The following CAPRIN2 variants were observed in gnomAD, a reference collection of about 807,000 sequenced individuals.
CAPRIN2 encodes caprin-2.
CAPRIN2 carries 66 observed loss-of-function variants against 130.4 expected under a neutral mutation model. The ratio of observed to expected loss-of-function variants is 0.51; its 90% CI spans 0.42 to 0.62. The LOEUF (loss-of-function observed/expected upper bound fraction) is 0.62, where lower values mean the gene tolerates loss of function less well. Ranked by LOEUF, CAPRIN2 falls within the 20% of genes least tolerant of loss-of-function variation. The pLI, the probability that CAPRIN2 is intolerant of heterozygous loss-of-function variation, is 0.00. For synonymous variants in CAPRIN2, 471 were observed against 444.1 expected (o/e 1.06, Z -0.76); for missense variants, 1,185 against 1,246.6 (o/e 0.95, Z 0.74).
rs148992387 is a variant in CAPRIN2, at chr12:30,737,840, G to A, written c.571-2634C>T. Among the ~76,000 whole-genome samples the A allele has an allele frequency of 3.7e-3, 559 of 151,914 alleles. 8 individuals are homozygous for A. The highest frequency in any genetic ancestry group is 0.012 in the African/African-American group (506 of 41,444). On this transcript the variant is annotated intron_variant, in intron 3 of 16. Transcript: ENST00000298892. Reference sequence around the variant, plus strand: ...TCTGGATCTCCTGACCTCATGATCCGCCCGCCTCGGCCTCCCAAAGTGCTG... The same window carrying A: ...TCTGGATCTCCTGACCTCATGATCCACCCGCCTCGGCCTCCCAAAGTGCTG...
intron 2 of CAPRIN2, among the ~76,000 whole-genome samples, chr12:30,746,921 C>T (rs573771685): frequency 1.3e-5 from 2 of 152,280 alleles, no homozygotes; most frequent in East Asian, 3.9e-4. Flanking sequence ...AATGTAGATG[C>T]AAGAGTCTCC....
At chr12:30,723,218 C>A (rs2059912794) in intron 11 of CAPRIN2, 41 bp downstream of exon 12, 7 of 1,373,110 alleles carry the variant, frequency 5.1e-6, no homozygotes, top group Non-Finnish European at 7.3e-6. Flanking sequence ...AGAGCTTCTT[C>A]CTTGAGCAGC....
At chr12:30,730,192 A>C in intron 7 of CAPRIN2, 47 bp downstream of exon 8, 1 of 1,509,890 alleles carries the variant, frequency 6.6e-7, no homozygotes, top group South Asian at 1.1e-5. Flanking sequence ...AACCCTATGC[A>C]AAAGGCTGAA....
chr12:30,721,002 T>C (rs935140455), intron 11 of CAPRIN2, 87 bp from the exon 13 acceptor site: 2 of 862,948 alleles, frequency 2.3e-6, no homozygotes, highest in African/African-American at 1.7e-5. Flanking sequence ...AATATGTTAC[T>C]CTTACTGAAC....
At chr12:30,748,875 C>T (rs2072152098) in intron 2 of CAPRIN2, among the ~76,000 whole-genome samples, 1 of 152,134 alleles carries the variant, frequency 6.6e-6, no homozygotes, top group African/African-American at 2.4e-5. Flanking sequence ...AGGAATACAG[C>T]AATGAACAGA....
intron 3 of CAPRIN2, among the ~76,000 whole-genome samples, chr12:30,738,059 C>T (rs2065713340): frequency 6.6e-6 from 1 of 152,008 alleles, no homozygotes; most frequent in Non-Finnish European, 1.5e-5. Context: ...AACTGGCTAT[C>T]ATAGAACATG....
intron 3 of CAPRIN2, 64 bp from the exon 5 acceptor site, chr12:30,735,270 T>C (rs951550234): frequency 4.9e-6 from 6 of 1,227,380 alleles, no homozygotes; most frequent in Middle Eastern, 1.9e-4. Flanking sequence ...GCAATACGTA[T>C]CTACAAAGTC....
exon 1 of CAPRIN2, chr12:30,753,397 C>T: frequency 1.2e-6 from 2 of 1,613,646 alleles, no homozygotes; most frequent in East Asian, 2.2e-5. Flanking sequence ...AGTCCATTTT[C>T]AATATAGGTC....
exon 9 of CAPRIN2, chr12:30,726,041 C>T (rs776463295): frequency 5.1e-5 from 81 of 1,596,544 alleles, no homozygotes; most frequent in Non-Finnish European, 6.3e-5. Context: ...CTGGATCCTT[C>T]GGAAGGGTAG....
chr12:30,753,649 T>C, exon 1 of CAPRIN2: 1 of 1,614,168 alleles, frequency 6.2e-7, no homozygotes, highest in Non-Finnish European at 8.5e-7. Context: ...AAATTAGGAC[T>C]AGAGGGACAC....
At chr12:30,722,238 T>C (rs1279674312) in intron 11 of CAPRIN2, among the ~76,000 whole-genome samples, 1 of 152,162 alleles carries the variant, frequency 6.6e-6, no homozygotes, top group Non-Finnish European at 1.5e-5. Context: ...TGGAGGTGGG[T>C]TATTGGTGAA....
At chr12:30,730,383 G>GT (rs2062259652) in intron 6 of CAPRIN2, 101 bp from the exon 8 acceptor site, 3 of 834,366 alleles carry the variant, frequency 3.6e-6, no homozygotes, top group Non-Finnish European at 6.0e-6. Context: ...CAGAAGACTC[G>GT]TAACAGAAAA....
intron 9 of CAPRIN2, among the ~76,000 whole-genome samples, chr12:30,724,969 C>T (rs1247687371): frequency 1.3e-5 from 2 of 152,136 alleles, no homozygotes; most frequent in East Asian, 1.9e-4. Flanking sequence ...ACCCTAGCCT[C>T]GACAAGCAGA....
chr12:30,752,029 C>T (rs1219653485), intron 1 of CAPRIN2, among the ~76,000 whole-genome samples: 2 of 151,016 alleles, frequency 1.3e-5, no homozygotes, highest in Non-Finnish European at 1.5e-5. Flanking sequence ...AGCGATTCTC[C>T]TGCCTCAGCC....
chr12:30,731,310 C>A, intron 6 of CAPRIN2, 33 bp downstream of exon 7: 1 of 1,580,184 alleles, frequency 6.3e-7, no homozygotes, highest in Non-Finnish European at 8.6e-7. Flanking sequence ...AAAAATGCAA[C>A]CACTATAAGG....
chr12:30,725,985 C>T (rs147761189), exon 9 of CAPRIN2: 3 of 1,594,142 alleles, frequency 1.9e-6, no homozygotes, highest in Non-Finnish European at 2.6e-6. Flanking sequence ...GTTACAAGTT[C>T]CTTGAATCTG....
intron 3 of CAPRIN2, among the ~76,000 whole-genome samples, chr12:30,739,526 A>G (rs929545326): frequency 2.0e-5 from 3 of 152,142 alleles, no homozygotes; most frequent in Non-Finnish European, 4.4e-5. Context: ...TTTATAACAA[A>G]CCTGCACATA....
intron 2 of CAPRIN2, among the ~76,000 whole-genome samples, chr12:30,744,865 G>T (rs1037820264): frequency 6.6e-6 from 1 of 152,172 alleles, no homozygotes; most frequent in Non-Finnish European, 1.5e-5. Context: ...ATAAAAGATA[G>T]TTCAGATGAT....
chr12:30,720,732 T>G lies in CAPRIN2; in HGVS notation c.2148+79A>C, dbSNP rs553724312. 23 of 818,914 alleles carry G rather than the reference T, an allele frequency of 2.8e-5. No homozygotes were observed. The East Asian group carries it at 5.6e-4, about 20-fold the overall frequency. The allele number at this position is 818,914 out of a possible 1,614,324, so 50.7% of individuals were successfully genotyped here. A position where few individuals can be genotyped will look rare whatever the true frequency, so the allele number is the denominator to read the frequency against. The stretch of plus-strand genomic sequence containing the variant: ...TATAAATGTTACATCATTCAACTAA[T>G]CATGCCTGTAATTCATAAGATAAAC... On this transcript the variant is annotated intron_variant, in intron 12 of 16. Coordinates refer to ENST00000298892, the Ensembl canonical transcript of CAPRIN2.
Sources: allele counts gnomAD v4.1 joint callset (sites outside exome capture counted in the v4.1 genomes callset), GRCh38; gene constraint gnomAD v4.1.1; transcripts MANE v1.5; gene names NCBI Gene and HGNC (gene_info 2026-07-23, HGNC 2026-07-21).